RTL4: variants seen among roughly 807,000 people sequenced by gnomAD.
The protein encoded by RTL4 is retrotransposon Gag-like protein 4.
A neutral mutation model predicts 5.3 loss-of-function variants in RTL4; 4 were observed. The observed-to-expected ratio is 0.75, with a 90% CI of 0.37 to 1.72. RTL4 has a LOEUF of 1.72. Among genes scored for constraint, RTL4 ranks in the 40% most tolerant of loss-of-function variants. RTL4 has a pLI of 0.04. For missense variants in RTL4, 260 were observed against 227.1 expected (o/e 1.14, Z -0.93); for synonymous variants, 98 against 87.3 (o/e 1.12, Z -0.68).
the RTL4 span, among the ~76,000 whole-genome samples, chrX:112,202,537 CATTATTATTATTATT>C: frequency 1.4e-4 from 14 of 97,149 alleles, no homozygotes; most frequent in Admixed American, 5.7e-4. Context: ...TAGTTTTATT[CATTATTATTATTATT>C]ATTATTATTA....
the RTL4 span, among the ~76,000 whole-genome samples, chrX:112,149,614 T>G: frequency 8.9e-6 from 1 of 112,020 alleles, no homozygotes; most frequent in Admixed American, 9.4e-5. Context: ...GAAGCAATAG[T>G]AGGAACACCT....
At chrX:112,439,199 T>C in the RTL4 span, among the ~76,000 whole-genome samples, 33 of 111,466 alleles carry the variant, frequency 3.0e-4, no homozygotes, top group African/African-American at 1.1e-3. Context: ...AGGTAGGGTA[T>C]ATGGGGAGCT....
the RTL4 span, among the ~76,000 whole-genome samples, chrX:112,200,201 A>C: frequency 8.9e-6 from 1 of 111,804 alleles, no homozygotes; most frequent in Non-Finnish European, 1.9e-5. Context: ...GCCTAAAACT[A>C]CTTGGCTTTG....
the RTL4 span, among the ~76,000 whole-genome samples, chrX:112,380,115 T>C: frequency 2.7e-5 from 3 of 110,145 alleles, no homozygotes; most frequent in Admixed American, 2.0e-4. Flanking sequence ...TCACTAAGAA[T>C]AATGGATTTG....
the RTL4 span, among the ~76,000 whole-genome samples, chrX:112,216,495 A>T: frequency 8.9e-6 from 1 of 111,829 alleles, no homozygotes; most frequent in Admixed American, 9.5e-5. Flanking sequence ...GCACTGGAGG[A>T]CTATTTTGCC....
At chrX:112,085,132 A>G in the RTL4 span, among the ~76,000 whole-genome samples, 2 of 112,127 alleles carry the variant, frequency 1.8e-5, no homozygotes, top group African/African-American at 6.5e-5. Flanking sequence ...TGGGTGGCTC[A>G]TCTTCTCTGT....
the RTL4 span, among the ~76,000 whole-genome samples, chrX:112,179,384 C>T: frequency 9.1e-6 from 1 of 110,140 alleles, no homozygotes; most frequent in Non-Finnish European, 1.9e-5. Context: ...GAAAAAAAAA[C>T]CAAGTAGTTT....
the RTL4 span, among the ~76,000 whole-genome samples, chrX:112,443,633 C>T: frequency 8.9e-6 from 1 of 112,033 alleles, no homozygotes; most frequent in Non-Finnish European, 1.9e-5. Flanking sequence ...GCCATTTTAA[C>T]TCACATGAAA....
the RTL4 span, among the ~76,000 whole-genome samples, chrX:112,379,422 C>T: frequency 8.9e-6 from 1 of 112,232 alleles, no homozygotes; most frequent in Admixed American, 9.4e-5. Flanking sequence ...AGAAGATTTT[C>T]CCTCTATTTT....
chrX:112,131,156 T>C, the RTL4 span, among the ~76,000 whole-genome samples: 4 of 109,246 alleles, frequency 3.7e-5, no homozygotes, highest in African/African-American at 1.4e-4. Flanking sequence ...CATAAAAATA[T>C]TGAGAAGTGA....
At chrX:112,351,438 C>T in the RTL4 span, among the ~76,000 whole-genome samples, 4 of 109,167 alleles carry the variant, frequency 3.7e-5, no homozygotes, top group Non-Finnish European at 7.6e-5. Context: ...CTTTCTGTCT[C>T]GTTGATCTGT....
the RTL4 span, among the ~76,000 whole-genome samples, chrX:112,212,212 TA>T: frequency 1.8e-5 from 2 of 110,656 alleles, no homozygotes; most frequent in African/African-American, 3.3e-5. Flanking sequence ...CCGTGTCTAC[TA>T]AAAATACAAA....
chrX:112,224,292 G>T, the RTL4 span, among the ~76,000 whole-genome samples: 1 of 105,575 alleles, frequency 9.5e-6, no homozygotes, highest in African/African-American at 3.4e-5. Context: ...ATTAATCACA[G>T]ACCTTCCAGA....
At chrX:112,341,163 C>CA in the RTL4 span, among the ~76,000 whole-genome samples, 1,137 of 77,582 alleles carry the variant, frequency 0.015, 15 homozygotes, top group African/African-American at 0.046. Context: ...TGATAGCAGG[C>CA]AAAAAAAAAA....
At chrX:112,084,916 A>G in the RTL4 span, among the ~76,000 whole-genome samples, 1 of 112,290 alleles carries the variant, frequency 8.9e-6, no homozygotes, top group South Asian at 3.7e-4. Context: ...CTCCTGCCCT[A>G]TCCTGTTTCT....
chrX:112,381,975 T>C, the RTL4 span: 333 of 1,207,525 alleles, frequency 2.8e-4, no homozygotes, highest in Middle Eastern at 2.6e-3. Context: ...TCCTCTGGCA[T>C]CAAGAGAGAG....
At chrX:112,108,643 G>A in the RTL4 span, among the ~76,000 whole-genome samples, 1 of 111,529 alleles carries the variant, frequency 9.0e-6, no homozygotes, top group Non-Finnish European at 1.9e-5. Flanking sequence ...ATCCTTGGGG[G>A]CTTGCCTGAA....
the RTL4 span, among the ~76,000 whole-genome samples, chrX:112,175,784 G>A: frequency 9.0e-6 from 1 of 111,012 alleles, no homozygotes; most frequent in Non-Finnish European, 1.9e-5. Flanking sequence ...TACTGAATGG[G>A]CAAAAACTGG....
upstream of RTL4, among the ~76,000 whole-genome samples, chrX:112,452,257 A>ATTTT (rs760522980): frequency 1.5e-5 from 1 of 65,441 alleles, no homozygotes; most frequent in African/African-American, 5.3e-5. Flanking sequence ...CGCGCAGCTA[A>ATTTT]TTTTTTTTTT....
Sources: allele counts gnomAD v4.1 joint callset (sites outside exome capture counted in the v4.1 genomes callset), GRCh38; gene constraint gnomAD v4.1.1; transcripts MANE v1.5; gene names NCBI Gene and HGNC (gene_info 2026-07-23, HGNC 2026-07-21).